The following STK31 variants were observed in gnomAD, a reference collection of about 807,000 sequenced individuals.
STK31 encodes serine/threonine kinase 31.
A neutral mutation model predicts 129.7 loss-of-function variants in STK31; 89 were observed. The observed-to-expected ratio is 0.69, with a 90% CI of 0.58 to 0.82. STK31 has a LOEUF of 0.82. Among genes scored for constraint, STK31 ranks in the 40% least tolerant of loss-of-function variants. STK31 has a pLI of 0.00. For missense variants in STK31, 1,187 were observed against 1,176.4 expected, an observed-to-expected ratio of 1.01 and a Z score of -0.13; for synonymous variants, 448 against 395.3, an observed-to-expected ratio of 1.13 and a Z score of -1.58.
intron 4 of STK31, chr7:23,721,209 T>C (rs1786667005): frequency 2.8e-6 from 1 of 358,284 alleles, no homozygotes; most frequent in Non-Finnish European, 5.1e-6. Context: ...TATAATTCGC[T>C]CTGATGAAAG....
chr7:23,787,029 C>T (rs988346028), intron 20 of STK31, 105 bp downstream of exon 20: 3 of 1,109,060 alleles, frequency 2.7e-6, no homozygotes, highest in Non-Finnish European at 4.0e-6. Flanking sequence ...AAAATTTTGA[C>T]TCATGGTATT....
At position 23,832,413 on chromosome 7, in the gene STK31, T is replaced by C; in HGVS notation, c.*47T>C. The C allele has an allele frequency of 1.7e-6, 2 of 1,189,566 alleles. No homozygotes were observed. Among genetic ancestry groups the C allele is most frequent in the South Asian group, 2.9e-5 (2 of 68,450 alleles). The allele number at this position is 1,189,566 out of a possible 1,614,324, so 73.7% of individuals were successfully genotyped here. On this transcript the variant is annotated 3_prime_UTR_variant, in exon 24 of 24. Coordinates refer to ENST00000355870, the MANE Select transcript of STK31 (RefSeq NM_031414.5). ...GAGGTTCTTTTTAAAAACTTTGGTT[T>C]GGTTAATACACAGAAATATCTAGAA...
At chr7:23,803,027 GTGT>G (rs1443510971) in intron 22 of STK31, among the ~76,000 whole-genome samples, 1 of 152,134 alleles carries the variant, frequency 6.6e-6, no homozygotes, top group Admixed American at 6.5e-5. Flanking sequence ...TTCTATACAT[GTGT>G]TGTTAGATTT....
chr7:23,800,702 C>T lies in STK31; in HGVS notation c.2760+9756C>T, dbSNP rs181109457. 1.6e-3 allele frequency among the ~76,000 whole-genome samples: 249 copies of T among 151,802 alleles called. 2 individuals are homozygous for T. Among genetic ancestry groups the T allele is most frequent in the Admixed American group, 5.4e-3 (83 of 15,250 alleles). On this transcript the variant is annotated intron_variant, in intron 22 of 23. Coordinates refer to ENST00000355870, the MANE Select transcript of STK31 (RefSeq NM_031414.5). ...CCATGGCACATGTATACCTATGTAG[C>T]AAGCCTGCACGTTCTTCACGTGTAT...
intron 6 of STK31, among the ~76,000 whole-genome samples, chr7:23,732,489 G>A (rs1787492142): frequency 6.6e-6 from 1 of 152,070 alleles, no homozygotes; most frequent in Non-Finnish European, 1.5e-5. Context: ...TTGTTAGTTG[G>A]AACTGAGGAA....
chr7:23,728,612 G>A (rs1161246555), intron 5 of STK31, among the ~76,000 whole-genome samples: 3 of 152,162 alleles, frequency 2.0e-5, no homozygotes, highest in African/African-American at 7.2e-5. Context: ...CAGATGTAGA[G>A]CTGGAGGTAA....
chr7:23,799,419 G>A (rs1025911133), intron 22 of STK31, among the ~76,000 whole-genome samples: 1 of 152,010 alleles, frequency 6.6e-6, no homozygotes, highest in Non-Finnish European at 1.5e-5. Flanking sequence ...CAAAACAGAG[G>A]CCACAGAAGT....
chr7:23,731,523 A>C (rs1403223936), intron 6 of STK31, among the ~76,000 whole-genome samples: 1 of 152,228 alleles, frequency 6.6e-6, no homozygotes, highest in Non-Finnish European at 1.5e-5. Context: ...TTAGATGAGC[A>C]TTAGTTTATC....
chr7:23,746,008 G>A (rs549936957), intron 8 of STK31, among the ~76,000 whole-genome samples: 6 of 152,326 alleles, frequency 3.9e-5, no homozygotes, highest in African/African-American at 1.4e-4. Context: ...ACCTCTTCGC[G>A]GGTACTTGCA....
chr7:23,792,402 G>A (rs1344595280), intron 22 of STK31, among the ~76,000 whole-genome samples: 4 of 152,092 alleles, frequency 2.6e-5, no homozygotes. Context: ...GGTAAATTTA[G>A]TAAAAGATGT....
chr7:23,785,503 G>T lies in STK31; in HGVS notation c.2174G>T (p.Ser725Ile). Residue 725 changes from serine (S) to isoleucine (I), a missense_variant, in exon 18 of 24, where the codon AGC becomes ATC. Coordinates refer to ENST00000355870, the MANE Select transcript of STK31 (RefSeq NM_031414.5). ...AACTCTGGTGGTCTCCTTACAATGAGCTTGGAACGAGATCTTCTTGATGCT... is the reference window on the plus strand; with the variant it reads ...AACTCTGGTGGTCTCCTTACAATGATCTTGGAACGAGATCTTCTTGATGCT... ...YMNSGGLLTM[S>I]LERDLLDAEP... 6.2e-7 allele frequency: 1 copy of T among 1,613,842 alleles called. No homozygotes were observed. The highest frequency in any genetic ancestry group is 8.5e-7 in the Non-Finnish European group (1 of 1,179,832).
rs1478479027 is a variant in STK31 at position 23,711,189 on chromosome 7, G to A, written c.50+854G>A. On this transcript the variant is annotated intron_variant, in intron 1 of 23. Transcript: ENST00000355870. ...TGCGGTGGCTTAGGCCTGTAATCCC[G>A]GCACTTTGAGAGGCCGAGGTGGGCA... Among the ~76,000 whole-genome samples the A allele has an allele frequency of 3.3e-5, 5 of 151,946 alleles. No homozygotes were observed. In the South Asian group the frequency reaches 6.2e-4, roughly 19 times the overall value.
At chr7:23,746,277 C>T (rs908493955) in intron 8 of STK31, among the ~76,000 whole-genome samples, 24 of 152,160 alleles carry the variant, frequency 1.6e-4, no homozygotes, top group African/African-American at 4.6e-4. Flanking sequence ...AGGTCCCTTT[C>T]GTGGCTAGAA....
chr7:23,810,268 T>A (rs1793004498), intron 22 of STK31, among the ~76,000 whole-genome samples: 1 of 152,006 alleles, frequency 6.6e-6, no homozygotes, highest in Non-Finnish European at 1.5e-5. Flanking sequence ...ATCCGTTTAC[T>A]CCAAAGGTAC....
At chr7:23,711,417 T>G (rs1440875685) in intron 1 of STK31, among the ~76,000 whole-genome samples, 1 of 146,720 alleles carries the variant, frequency 6.8e-6, no homozygotes, top group Non-Finnish European at 1.5e-5. Context: ...AGAGCAAGAC[T>G]TCGTTTGGGG....
At position 23,790,839 on chromosome 7, in the gene STK31, G is replaced by A. The variant is rs752362294; in HGVS notation, c.2653G>A (p.Val885Met). Residue 885 changes from valine to methionine, a missense_variant, in exon 22 of 24, where the codon GTG becomes ATG. Physicochemically the swap from Val to Met is conservative, Grantham distance 21 (BLOSUM62 1). Transcript: ENST00000355870. ...FTKSVSQRAS[V>M]NMMVGDLSLM... ...GTTTTTGCAGAGTCAGCGAGCCTCG[G>A]TGAACATGATGGTTGGTGACTTGAG... 3 of 1,598,454 alleles carry A rather than the reference G, an allele frequency of 1.9e-6. No individual in the cohort carries two copies. Among genetic ancestry groups the A allele is most frequent in the East Asian group, 2.3e-5 (1 of 44,326 alleles).
intron 8 of STK31, among the ~76,000 whole-genome samples, chr7:23,742,664 G>T (rs1788117331): frequency 6.6e-6 from 1 of 152,182 alleles, no homozygotes; most frequent in African/African-American, 2.4e-5. Flanking sequence ...CTCTCAGCTG[G>T]TTTCTGGCTA....
At chr7:23,744,354 T>C (rs1252912373) in intron 8 of STK31, among the ~76,000 whole-genome samples, 2 of 152,018 alleles carry the variant, frequency 1.3e-5, no homozygotes, top group African/African-American at 4.8e-5. Context: ...TGAATTGTTT[T>C]TCTGATTTCT....
chr7:23,736,865 A>G (rs1460193726), intron 7 of STK31, 39 bp from the exon 8 acceptor site: 1 of 1,551,138 alleles, frequency 6.4e-7, no homozygotes, highest in South Asian at 1.3e-5. Context: ...TCAGCCTTAT[A>G]CAGTTTGTTT....
Sources: allele counts gnomAD v4.1 joint callset (sites outside exome capture counted in the v4.1 genomes callset), GRCh38; gene constraint gnomAD v4.1.1; transcripts MANE v1.5; gene names NCBI Gene and HGNC (gene_info 2026-07-23, HGNC 2026-07-21).